Variants in DBF4B observed in about 807,000 individuals in gnomAD.
DBF4B encodes the protein DBF4B-CDC7 kinase regulatory subunit, also known as protein DBF4 homolog B.
Under a neutral mutation model 53.4 loss-of-function variants are expected in DBF4B, and 49 were observed. The ratio of observed to expected loss-of-function variants is 0.92; its 90% CI spans 0.73 to 1.16. DBF4B has a LOEUF of 1.16. Among genes scored for constraint, DBF4B ranks in the 50% most tolerant of loss-of-function variants. The pLI is 0.00. For synonymous variants in DBF4B, 257 were observed against 288.7 expected (o/e 0.89, Z 1.11); for missense variants, 692 against 775.0 (o/e 0.89, Z 1.27).
intron 6 of DBF4B, chr17:44,732,567 C>T (rs1974935765): frequency 3.1e-6 from 1 of 325,600 alleles, no homozygotes; most frequent in African/African-American, 2.2e-5. Context: ...CAGAAATGAT[C>T]TTAATATTCA....
At chr17:44,720,389 C>T in intron 2 of DBF4B, 1 of 216,162 alleles carries the variant, frequency 4.6e-6, no homozygotes, top group Admixed American at 5.2e-5. Flanking sequence ...AGTACTTCTT[C>T]CTGGACGTGG....
At position 44,742,107 on chromosome 17, in the gene DBF4B, T is replaced by A. The variant is rs755711766; in HGVS notation, c.830+655T>A. Among the ~76,000 whole-genome samples the A allele has an allele frequency of 2.1e-3, 307 of 148,696 alleles. 1 individual carries two copies. Among genetic ancestry groups the A allele is most frequent in the Admixed American group, 4.2e-3 (63 of 14,926 alleles). On this transcript the variant is annotated intron_variant, in intron 10 of 13. Transcript: ENST00000315005. Reference sequence around the variant, plus strand: ...CCTCTACAAAAAATAAAAATAAAAATGTAAAAAATTATGAGTCAGGCAGAG... The same window carrying A: ...CCTCTACAAAAAATAAAAATAAAAAAGTAAAAAATTATGAGTCAGGCAGAG...
rs9905470 is a variant in DBF4B at position 44,729,683 on chromosome 17, T to C, written c.226-222T>C. ...CTGTAGACAAAACCTGTAATACACA[T>C]ACACACACACACACACACACACACA... On this transcript the variant is annotated intron_variant, in intron 3 of 13. Transcript: ENST00000315005. 4.7e-3 allele frequency among the ~76,000 whole-genome samples: 651 copies of C among 138,238 alleles called. 3 individuals are homozygous for C. Among genetic ancestry groups the C allele is most frequent in the African/African-American group, 0.014 (516 of 36,562 alleles). The allele number at this position is 138,238 out of a possible 152,430, so 90.7% of individuals were successfully genotyped here.
chr17:44,732,153 A>C (rs766698456), intron 5 of DBF4B, 25 bp from the exon 6 acceptor site: 18 of 1,612,724 alleles, frequency 1.1e-5, no homozygotes, highest in Non-Finnish European at 1.5e-5. Context: ...CTCTGCTCCT[A>C]CCTGACTCTG....
chr17:44,715,747 C>T lies in DBF4B; in HGVS notation c.82+6381C>T, dbSNP rs1367734116. ...TTTGTTTCTTTTTAGTTTTCTTCTG[C>T]TTCCTACATTATGTCTATTTCCTCT... On this transcript the variant is annotated intron_variant, in intron 2 of 13. Coordinates refer to ENST00000315005, the MANE Select transcript of DBF4B (RefSeq NM_145663.3). Among the ~76,000 whole-genome samples, 3 of 149,148 alleles carry T rather than the reference C, an allele frequency of 2.0e-5. No individual in the cohort carries two copies. The South Asian group carries it at 6.3e-4, about 32-fold the overall frequency.
Position 44,751,291 on chromosome 17 carries a change from G to C in DBF4B, c.*38G>C. On this transcript the variant is annotated 3_prime_UTR_variant, in exon 14 of 14. Transcript: ENST00000315005. ...AACACCTGAGACTTGACCCAGGATG[G>C]ATGGGTGCTGCTTGATGTGAATGAG... 6.3e-7 allele frequency: 1 copy of C among 1,586,506 alleles called. No individual in the cohort carries two copies. The highest frequency in any genetic ancestry group is 8.6e-7 in the Non-Finnish European group (1 of 1,166,440).
In DBF4B at chr17:44,747,127, C is replaced by T. The variant is rs759941911; in HGVS notation, c.875C>T (p.Thr292Ile). ...CCAAGCCCACGATCAGCTGCCCACA[C>T]CATGCCCAGGAGGAAGAAAGGCTAC... ...GEPSPRSAAH[T>I]MPRRKKGYCE... The change falls in exon 11 of 14, where the codon ACC becomes ATC. Residue 292 changes from threonine (T) to isoleucine (I), a missense_variant. Around this residue, in one of 3 missense-constraint regions of DBF4B, gnomAD observed 597 missense variants for 665.8 expected, o/e 0.90. Coordinates refer to ENST00000315005, the MANE Select transcript of DBF4B (RefSeq NM_145663.3). 1.9e-6 allele frequency: 3 copies of T among 1,614,220 alleles called. No homozygotes were observed. The highest frequency in any genetic ancestry group is 2.5e-6 in the Non-Finnish European group (3 of 1,180,046).
chr17:44,749,430 G>T lies in DBF4B; in HGVS notation c.1189+965G>T. 1 of 1,289,438 alleles carries T rather than the reference G, an allele frequency of 7.8e-7. No individual in the cohort carries two copies. The highest frequency in any genetic ancestry group is 1.2e-5 in the South Asian group (1 of 81,034). The allele number at this position is 1,289,438 out of a possible 1,614,324, so 79.9% of individuals were successfully genotyped here. A position where few individuals can be genotyped will look rare whatever the true frequency, so the allele number is the denominator to read the frequency against. ...CCGGCCAGGGCTGACCAGGACGCAG[G>T]AGGGGCAGAACCCCAGGACTTCCCC... On this transcript the variant is annotated intron_variant, in intron 13 of 13. Coordinates refer to ENST00000315005, the MANE Select transcript of DBF4B (RefSeq NM_145663.3). This position sits in a 1 kb window ranked among gnomAD's most constrained non-coding sequence, Gnocchi z 4.4.
Position 44,751,457 on chromosome 17 carries a change from C to T in DBF4B, c.*204C>T, listed in dbSNP as rs1400527409. 1.4e-6 allele frequency: 2 copies of T among 1,414,462 alleles called. No homozygotes were observed. Among genetic ancestry groups the T allele is most frequent in the Non-Finnish European group, 1.8e-6 (2 of 1,090,092 alleles). The allele number at this position is 1,414,462 out of a possible 1,614,324, so 87.6% of individuals were successfully genotyped here. On this transcript the variant is annotated 3_prime_UTR_variant, in exon 14 of 14. Transcript: ENST00000315005. Reference sequence around the variant, plus strand: ...CAGTCAGTCCCTTTTCAACATGTTGCCGTTTCTTTCTGAAGAGGTGTCCTC... The same window carrying T: ...CAGTCAGTCCCTTTTCAACATGTTGTCGTTTCTTTCTGAAGAGGTGTCCTC...
chr17:44,750,037 C>T, intron 13 of DBF4B: 1 of 999,582 alleles, frequency 1.0e-6, no homozygotes, highest in Non-Finnish European at 1.2e-6. Context: ...GGCCAGAGCC[C>T]CCTCTGGGAC....
In DBF4B at chr17:44,749,548, C is replaced by A. The variant is rs1278367376; in HGVS notation, c.1190-1047C>A. ...ATGGAGCTGACAGAGCCACCCCTCC[C>A]ACTGGCCAGGTCTTTGGGAGAGAAT... On this transcript the variant is annotated intron_variant, in intron 13 of 13. Coordinates refer to ENST00000315005, the MANE Select transcript of DBF4B (RefSeq NM_145663.3). This position sits in a 1 kb window ranked among gnomAD's most constrained non-coding sequence, Gnocchi z 4.4. 29 of 1,222,718 alleles carry A rather than the reference C, an allele frequency of 2.4e-5. No homozygotes were observed. Among genetic ancestry groups the A allele is most frequent in the Non-Finnish European group, 2.9e-5 (28 of 956,402 alleles). 75.7% of individuals were successfully genotyped at this position (1,222,718 alleles called of 1,614,324 possible).
rs890275429 is a variant in DBF4B, at chr17:44,738,314, ATG to A, written c.668-60_668-59del. 2.5e-4 allele frequency: 382 copies of A among 1,509,656 alleles called. 4 individuals are homozygous for A. In the Admixed American group the frequency reaches 7.3e-3, roughly 29 times the overall value. 93.5% of individuals were successfully genotyped at this position (1,509,656 alleles called of 1,614,324 possible). ...AGCCTTCCCTCTCAGCATTTCCTGC[ATG>A]TGTGGTGCAGGCCCTGCACAGGGGC... On this transcript the variant is annotated intron_variant, in intron 8 of 13. Transcript: ENST00000315005.
rs1454895343 is a variant in DBF4B at position 44,752,211 on chromosome 17, C to T, written c.*958C>T. On this transcript the variant is annotated 3_prime_UTR_variant, in exon 14 of 14. Coordinates refer to ENST00000315005, the MANE Select transcript of DBF4B (RefSeq NM_145663.3). ...AGTTTCCTCGTCTTTAAGTAAGGGG[C>T]TTGGATGAGATGATTTCAGGACCCT... 1.8e-6 allele frequency: 1 copy of T among 543,834 alleles called. No homozygotes were observed. Among genetic ancestry groups the T allele is most frequent in the African/African-American group, 1.9e-5 (1 of 52,590 alleles). 33.7% of individuals were successfully genotyped at this position (543,834 alleles called of 1,614,324 possible).
intron 9 of DBF4B, among the ~76,000 whole-genome samples, chr17:44,740,864 G>A (rs1975937877): frequency 6.6e-6 from 1 of 152,156 alleles, no homozygotes; most frequent in Non-Finnish European, 1.5e-5. Flanking sequence ...GGCCGGGCGT[G>A]GTGGCTCACG....
At chr17:44,723,201 G>T (rs1368457302) in intron 3 of DBF4B, among the ~76,000 whole-genome samples, 179 bp downstream of exon 3, 1 of 152,112 alleles carries the variant, frequency 6.6e-6, no homozygotes, top group Non-Finnish European at 1.5e-5. Flanking sequence ...CTGCCTCCCG[G>T]GTTCAAGCAA....
At chr17:44,718,030 AAAAG>A (rs1462827633) in intron 2 of DBF4B, among the ~76,000 whole-genome samples, 3 of 151,682 alleles carry the variant, frequency 2.0e-5, no homozygotes, top group African/African-American at 4.9e-5. Flanking sequence ...TGTCTCAAAA[AAAAG>A]AAAGAAAAGA....
intron 3 of DBF4B, 41 bp downstream of exon 3, chr17:44,723,063 G>A (rs1218506046): frequency 6.2e-7 from 1 of 1,611,040 alleles, no homozygotes. Context: ...ATGTGCCTTT[G>A]CAGGCTTAGA....
Position 44,748,360 on chromosome 17 carries a change from T to C in DBF4B, c.1084T>C (p.Ser362Pro). 1 of 1,604,904 alleles carries C rather than the reference T, an allele frequency of 6.2e-7. No individual in the cohort carries two copies. The highest frequency in any genetic ancestry group is 8.5e-7 in the Non-Finnish European group (1 of 1,175,420). The stretch of plus-strand genomic sequence containing the variant: ...CAACAGGTGGTCAGGTTCCCCAGCT[T>C]CTGATTGTGACCCTCTCTGTCCTGA... ...GLPRWSGSPA[S>P]DCDPLCPETL... Residue 362 changes from serine (S) to proline (P), a missense_variant, in exon 13 of 14, where the codon TCT becomes CCT. Around this residue, in one of 3 missense-constraint regions of DBF4B, gnomAD observed 597 missense variants for 665.8 expected, o/e 0.90. Transcript: ENST00000315005.
intron 2 of DBF4B, among the ~76,000 whole-genome samples, chr17:44,710,486 A>G (rs1287000615): frequency 6.6e-6 from 1 of 152,084 alleles, no homozygotes. Context: ...TTTCTTTTTT[A>G]TTCTTGCTGC....
Sources: gnomAD v4.1 joint callset for allele counts (sites outside exome capture counted in the v4.1 genomes callset) on GRCh38, gnomAD v4.1.1 for gene constraint, gnomAD v4.1.1 regional missense constraint, Gnocchi (gnomAD v3.1) non-coding constraint, MANE v1.5 for transcripts, NCBI Gene and HGNC (gene_info 2026-07-23, HGNC 2026-07-21) for gene names.